INTS13: variants seen among roughly 807,000 people sequenced by gnomAD.
The protein encoded by INTS13 is integrator complex subunit 13, also known as asunder, spermatogenesis regulator homolog (Drosphila).
INTS13 carries 35 observed loss-of-function variants against 90.2 expected under a neutral mutation model. That is an observed-to-expected ratio of 0.39 (90% confidence interval 0.30 to 0.51). The LOEUF is 0.51. Among genes scored for constraint, INTS13 ranks in the 20% least tolerant of loss-of-function variants. INTS13 has a pLI of 0.80. For synonymous variants in INTS13, 309 were observed against 277.1 expected (o/e 1.11, Z -1.14); for missense variants, 601 against 851.2 (o/e 0.71, Z 3.66).
intron 15 of INTS13, among the ~76,000 whole-genome samples, chr12:26,907,627 G>C (rs1054656704): frequency 6.6e-6 from 1 of 152,138 alleles, no homozygotes; most frequent in African/African-American, 2.4e-5. Context: ...TTGTGCAAAA[G>C]TCATTTATAA....
rs573523009 is a variant in INTS13, at chr12:26,931,943, C to T, written c.300+2613G>A. Reference sequence around the variant, plus strand: ...CTGTACTAAAAATACAAAAATCAGCCGGACGTGGTGGCAGGCGCCTGTAAT... The same window carrying T: ...CTGTACTAAAAATACAAAAATCAGCTGGACGTGGTGGCAGGCGCCTGTAAT... On this transcript the variant is annotated intron_variant, in intron 3 of 16. Coordinates refer to ENST00000261191, the MANE Select transcript of INTS13 (RefSeq NM_018164.3). Among the ~76,000 whole-genome samples the T allele has an allele frequency of 1.2e-3, 175 of 151,976 alleles. 3 individuals carry two copies. Among genetic ancestry groups the T allele is most frequent in the African/African-American group, 4.0e-3 (167 of 41,470 alleles).
At chr12:26,927,660 G>A (rs530338453) in intron 5 of INTS13, among the ~76,000 whole-genome samples, 18 of 152,144 alleles carry the variant, frequency 1.2e-4, no homozygotes, top group African/African-American at 3.9e-4. Context: ...CTGTCGCCCA[G>A]GCTGGAGTGT....
chr12:26,917,788 A>G (rs1159319101), intron 8 of INTS13, 55 bp from the exon 9 acceptor site: 12 of 1,141,414 alleles, frequency 1.1e-5, no homozygotes, highest in East Asian at 2.5e-5. Context: ...AAAACATCAC[A>G]CTGTATCCCA....
Position 26,906,402 on chromosome 12 carries a change from T to C in INTS13, c.1981A>G (p.Ile661Val). 1 of 1,612,648 alleles carries C rather than the reference T, an allele frequency of 6.2e-7. No homozygotes were observed. Among genetic ancestry groups the C allele is most frequent in the South Asian group, 1.1e-5 (1 of 90,902 alleles). Residue 661 changes from isoleucine to valine, a missense_variant, in exon 16 of 17, where the codon ATC becomes GTC. Coordinates refer to ENST00000261191, the MANE Select transcript of INTS13 (RefSeq NM_018164.3). ...VSLLSLWSNR[I>V]NTANSRKHQE... The stretch of plus-strand genomic sequence containing the variant: ...TGTTTTCTGGAATTGGCAGTATTGA[T>C]TCTATTACTCCACAAGGATAATAAC...
At chr12:26,917,587 T>C (rs1191826599) in intron 9 of INTS13, 57 bp downstream of exon 9, 22 of 1,478,574 alleles carry the variant, frequency 1.5e-5, no homozygotes, top group Non-Finnish European at 1.9e-5. Flanking sequence ...TTGACCCCCA[T>C]ATAATACCTT....
chr12:26,913,948 AAAGT>A, intron 13 of INTS13, 22 bp downstream of exon 13: 1 of 1,583,004 alleles, frequency 6.3e-7, no homozygotes, highest in African/African-American at 1.4e-5. Context: ...TGTGATCTAT[AAAGT>A]AAGAAAGAAA....
At chr12:26,924,226 C>T in intron 7 of INTS13, 129 bp downstream of exon 7, 1 of 931,814 alleles carries the variant, frequency 1.1e-6, no homozygotes, top group Non-Finnish European at 1.6e-6. Context: ...CTCCTGGCCT[C>T]AAGTGATCCT....
At chr12:26,917,604 C>T in intron 9 of INTS13, 40 bp downstream of exon 9, 6 of 1,554,402 alleles carry the variant, frequency 3.9e-6, no homozygotes, top group Non-Finnish European at 5.3e-6. Context: ...CCTTAAGAAC[C>T]TTTTGATTTC....
At chr12:26,932,924 T>A (rs1938274352) in intron 3 of INTS13, among the ~76,000 whole-genome samples, 1 of 152,134 alleles carries the variant, frequency 6.6e-6, no homozygotes, top group African/African-American at 2.4e-5. Context: ...TGCTTTTAAA[T>A]AAGACTGTCT....
Position 26,913,638 on chromosome 12 carries a change from C to T in INTS13, c.1624G>A (p.Ala542Thr), listed in dbSNP as rs1229240789. The T allele has an allele frequency of 1.3e-5, 21 of 1,614,032 alleles. No individual in the cohort carries two copies. Among genetic ancestry groups the T allele is most frequent in the Non-Finnish European group, 1.7e-5 (20 of 1,180,000 alleles). ...TGTTTCTCTGAGTTGTTGATATGGGCTCTGACAAGGGTTTCTAATTCATTC... is the reference window on the plus strand; with the variant it reads ...TGTTTCTCTGAGTTGTTGATATGGGTTCTGACAAGGGTTTCTAATTCATTC... ...MWNELETLVR[A>T]HINNSEKHQR... Residue 542 changes from alanine (A) to threonine (T), a missense_variant, in exon 14 of 17, where the codon GCC becomes ACC. Physicochemically the swap from Ala to Thr is moderately conservative, Grantham distance 58. Transcript: ENST00000261191.
intron 14 of INTS13, among the ~76,000 whole-genome samples, chr12:26,913,008 G>T (rs1218301412): frequency 2.0e-5 from 3 of 152,116 alleles, no homozygotes; most frequent in Non-Finnish European, 4.4e-5. Context: ...TGGGATTACA[G>T]GTGTGAACCA....
Position 26,936,817 on chromosome 12 carries a change from GT to G in INTS13, c.-11-4del. 6.3e-7 allele frequency: 1 copy of G among 1,580,860 alleles called. No homozygotes were observed. The highest frequency in any genetic ancestry group is 8.7e-7 in the Non-Finnish European group (1 of 1,151,184). On this transcript the variant is annotated splice_region_variant and splice_polypyrimidine_tract_variant and intron_variant, in intron 1 of 16. Transcript: ENST00000261191. Reference sequence around the variant, plus strand: ...AAAAATCTTCATTTTGTTTTAACCTGTAAGGGGAAAAACATATTAGCCAAAT... The same window carrying G: ...AAAAATCTTCATTTTGTTTTAACCTGAAGGGGAAAAACATATTAGCCAAAT...
chr12:26,905,633 C>T, intron 16 of INTS13, 97 bp from the exon 17 acceptor site: 1 of 1,190,154 alleles, frequency 8.4e-7, no homozygotes, highest in Non-Finnish European at 1.2e-6. Flanking sequence ...ATAATATATT[C>T]ACAGAACAGA....
chr12:26,926,147 G>C (rs548749162), intron 5 of INTS13, among the ~76,000 whole-genome samples: 1 of 152,088 alleles, frequency 6.6e-6, no homozygotes, highest in Non-Finnish European at 1.5e-5. Flanking sequence ...CTGCAACAGC[G>C]AAAATGAATA....
chr12:26,915,177 G>C (rs1951896718), intron 11 of INTS13, among the ~76,000 whole-genome samples: 1 of 152,136 alleles, frequency 6.6e-6, no homozygotes, highest in African/African-American at 2.4e-5. Context: ...AGTGAGCCAA[G>C]ATTGCGCCAC....
chr12:26,905,346 A>G lies in INTS13; in HGVS notation c.*151T>C. The G allele has an allele frequency of 1.5e-6, 1 of 645,192 alleles. No individual in the cohort carries two copies. Among genetic ancestry groups the G allele is most frequent in the Non-Finnish European group, 2.6e-6 (1 of 389,090 alleles). 40.0% of individuals were successfully genotyped at this position (645,192 alleles called of 1,614,324 possible). A position where few individuals can be genotyped will look rare whatever the true frequency, so the allele number is the denominator to read the frequency against. On this transcript the variant is annotated 3_prime_UTR_variant, in exon 17 of 17. Transcript: ENST00000261191. ...TTTTTGAATTATGTGCCAATTTTATAATTAGTACAAAAATGACAGCTGAAA... is the reference window on the plus strand; with the variant it reads ...TTTTTGAATTATGTGCCAATTTTATGATTAGTACAAAAATGACAGCTGAAA...
Position 26,911,207 on chromosome 12 carries a change from T to C in INTS13, c.1916A>G (p.Asp639Gly). The C allele has an allele frequency of 3.1e-6, 5 of 1,613,882 alleles. No homozygotes were observed. The highest frequency in any genetic ancestry group is 4.2e-6 in the Non-Finnish European group (5 of 1,179,930). The change falls in exon 15 of 17, where the codon GAT (aspartate) becomes GGT (glycine). Residue 639 changes from aspartate (D) to glycine (G), a missense_variant. Transcript: ENST00000261191. ...PPNKKPLVEM[D>G]ETPQVEKSKG... ...TGATTTTTCCACTTGTGGAGTTTCA[T>C]CCATTTCAACAAGGGGTTTTTTGTT... is the stretch of plus-strand genomic sequence containing the variant.
Position 26,928,276 on chromosome 12 carries a change from A to G in INTS13, c.513T>C (p.His171=). Residue 171 remains histidine, a synonymous_variant, in exon 5 of 17, where the codon CAT becomes CAC. Coordinates refer to ENST00000261191, the MANE Select transcript of INTS13 (RefSeq NM_018164.3). ...GGACACAGTCTTCAAGCATTCGCAC[A>G]TGACTATCACTATGGCATAAAAAAG... is the stretch of plus-strand genomic sequence containing the variant. ...ICITNAKSDS[H]VRMLEDCVQE... 7 of 1,609,846 alleles carry G rather than the reference A, an allele frequency of 4.3e-6. No individual in the cohort carries two copies. In the South Asian group the frequency reaches 5.5e-5, roughly 13 times the overall value.
chr12:26,934,780 G>C (rs1255413796), intron 2 of INTS13, 150 bp from the exon 3 acceptor site: 27 of 668,170 alleles, frequency 4.0e-5, no homozygotes, highest in Non-Finnish European at 7.1e-5. Context: ...TATGCCAGGT[G>C]CTATTGCTGG....
Sources: gnomAD v4.1 joint callset for allele counts (sites outside exome capture counted in the v4.1 genomes callset) on GRCh38, gnomAD v4.1.1 for gene constraint, MANE v1.5 for transcripts, NCBI Gene and HGNC (gene_info 2026-07-23, HGNC 2026-07-21) for gene names.